CENPC: variants seen among roughly 807,000 people sequenced by gnomAD.
CENPC encodes CENP-C 1.
Under a neutral mutation model 112.1 loss-of-function variants are expected in CENPC, and 63 were observed. The ratio of observed to expected loss-of-function variants is 0.56; its 90% CI spans 0.46 to 0.69. CENPC has a LOEUF of 0.69. Among genes scored for constraint, CENPC ranks in the 30% least tolerant of loss-of-function variants. The pLI, the probability that CENPC is intolerant of heterozygous loss-of-function variation, is 0.00. For missense variants in CENPC, 1,000 were observed against 1,103.8 expected, an observed-to-expected ratio of 0.91 and a Z score of 1.33; for synonymous variants, 333 against 367.6, an observed-to-expected ratio of 0.91 and a Z score of 1.08.
chr4:67,491,369 TCTC>T (rs1725253283), intron 16 of CENPC, among the ~76,000 whole-genome samples: 1 of 148,552 alleles, frequency 6.7e-6, no homozygotes, highest in Non-Finnish European at 1.5e-5. Context: ...TTGACCTACT[TCTC>T]CTCTGATATA....
intron 7 of CENPC, among the ~76,000 whole-genome samples, chr4:67,516,815 A>C (rs1407939440): frequency 6.6e-6 from 1 of 151,996 alleles, no homozygotes; most frequent in Non-Finnish European, 1.5e-5. Context: ...ATCTTGGAGG[A>C]TTTCTAAGAT....
At chr4:67,520,524 G>A (rs1726193761) in intron 5 of CENPC, among the ~76,000 whole-genome samples, 1 of 152,018 alleles carries the variant, frequency 6.6e-6, no homozygotes, top group South Asian at 2.1e-4. Flanking sequence ...ATGATATAAG[G>A]AAACCCAGGA....
chr4:67,537,076 A>G (rs1027975138), intron 4 of CENPC, among the ~76,000 whole-genome samples: 12 of 151,878 alleles, frequency 7.9e-5, no homozygotes, highest in African/African-American at 2.2e-4. Context: ...TGTCAGGAAT[A>G]AAAAAGGGGA....
At chr4:67,490,147 A>G (rs1468967203) in intron 16 of CENPC, 26 bp from the exon 17 acceptor site, 4 of 1,507,892 alleles carry the variant, frequency 2.7e-6, no homozygotes, top group Non-Finnish European at 3.6e-6. Context: ...TAATACAAAT[A>G]TAAAACAACA....
chr4:67,494,017 T>C (rs1200704264), intron 13 of CENPC, 29 bp from the exon 14 acceptor site: 1 of 1,470,048 alleles, frequency 6.8e-7, no homozygotes, highest in African/African-American at 1.4e-5. Flanking sequence ...CAAAAGTGTA[T>C]ACATAGTTTT....
intron 17 of CENPC, among the ~76,000 whole-genome samples, chr4:67,489,358 A>G (rs1255301349): frequency 6.6e-6 from 1 of 151,902 alleles, no homozygotes; most frequent in Non-Finnish European, 1.5e-5. Flanking sequence ...AACTTCAGCC[A>G]GTAATATTGT....
chr4:67,483,326 C>G (rs1362074235), intron 17 of CENPC, among the ~76,000 whole-genome samples: 2 of 150,762 alleles, frequency 1.3e-5, no homozygotes, highest in Non-Finnish European at 2.9e-5. Flanking sequence ...CCACTCCAGC[C>G]TGGGGACAGT....
At chr4:67,496,882 ACCCCAC>A (rs549444510) in intron 12 of CENPC, among the ~76,000 whole-genome samples, 230 of 43,776 alleles carry the variant, frequency 5.3e-3, no homozygotes, top group African/African-American at 0.019. Flanking sequence ...TGTACCCCCC[ACCCCAC>A]CCCCACCCCC....
At position 67,506,905 on chromosome 4, in the gene CENPC, T is replaced by C. The variant is rs1268413139; in HGVS notation, c.1934A>G (p.Asn645Ser). 1 of 1,609,956 alleles carries C rather than the reference T, an allele frequency of 6.2e-7. No homozygotes were observed. Residue 645 changes from asparagine (N) to serine (S), a missense_variant, in exon 11 of 19, where the codon AAC becomes AGC. By Grantham distance (46) the Asn-to-Ser change is conservative. Transcript: ENST00000273853. The part of the protein sequence containing the change: ...RSTRSSKNED[N>S]IMTAQNVPLK... ...GGGAACATTCTGTGCAGTCATAATG[T>C]TATCTTCATTCTTTGAGCTTCTTGT... is the stretch of plus-strand genomic sequence containing the variant.
chr4:67,486,975 T>TTG (rs1264692485), intron 17 of CENPC, among the ~76,000 whole-genome samples: 6 of 150,616 alleles, frequency 4.0e-5, no homozygotes, highest in Admixed American at 2.6e-4. Context: ...TAGGTTTTTT[T>TTG]TTTTTTTTTT....
chr4:67,541,179 A>C lies in CENPC; in HGVS notation c.66-129T>G, dbSNP rs1186997583. On this transcript the variant is annotated intron_variant, in intron 2 of 18. Coordinates refer to ENST00000273853, the MANE Select transcript of CENPC (RefSeq NM_001812.4). The stretch of plus-strand genomic sequence containing the variant: ...TATGTAAAATATCTTTACTATTTGA[A>C]GACAAAACAAGTACTTGAGGGTCTA... The C allele has an allele frequency of 4.9e-6, 3 of 614,520 alleles. No homozygotes were observed. The African/African-American group carries it at 5.6e-5, about 12-fold the overall frequency. 38.1% of individuals were successfully genotyped at this position (614,520 alleles called of 1,614,324 possible). A position where few individuals can be genotyped will look rare whatever the true frequency, so the allele number is the denominator to read the frequency against.
intron 17 of CENPC, among the ~76,000 whole-genome samples, chr4:67,486,634 G>T (rs537709560): frequency 1.3e-5 from 2 of 152,154 alleles, no homozygotes; most frequent in African/African-American, 4.8e-5. Flanking sequence ...TGGTGCTACT[G>T]GAATCTAATG....
chr4:67,491,917 G>A (rs769106052), intron 16 of CENPC, among the ~76,000 whole-genome samples: 7 of 152,296 alleles, frequency 4.6e-5, no homozygotes, highest in Non-Finnish European at 1.0e-4. Flanking sequence ...ACCCTGTTGG[G>A]GGAGACGACA....
At chr4:67,533,223 C>CTCACAAGATCTCATGGGTT (rs2109828275) in intron 4 of CENPC, among the ~76,000 whole-genome samples, 1 of 152,296 alleles carries the variant, frequency 6.6e-6, no homozygotes, top group South Asian at 2.1e-4. Context: ...GTGAATAAGT[C>CTCACAAGATCTCATGGGTT]TCACAAGATC....
chr4:67,491,295 T>C (rs1577977379), intron 16 of CENPC, among the ~76,000 whole-genome samples: 2 of 150,550 alleles, frequency 1.3e-5, no homozygotes, highest in South Asian at 4.2e-4. Flanking sequence ...TGTCCCAGCC[T>C]CCCAAGCAGC....
chr4:67,499,882 C>T (rs905763953), intron 12 of CENPC, among the ~76,000 whole-genome samples: 3 of 151,990 alleles, frequency 2.0e-5, no homozygotes, highest in Admixed American at 1.3e-4. Flanking sequence ...TAGAAGCCAT[C>T]GTAGGGTTAT....
chr4:67,491,335 A>G (rs1160627989), intron 16 of CENPC, among the ~76,000 whole-genome samples: 1 of 150,326 alleles, frequency 6.7e-6, no homozygotes, highest in Non-Finnish European at 1.5e-5. Flanking sequence ...CACCACGCCC[A>G]GCTACCATTA....
At chr4:67,498,490 C>T (rs1725501516) in intron 12 of CENPC, among the ~76,000 whole-genome samples, 1 of 152,166 alleles carries the variant, frequency 6.6e-6, no homozygotes, top group Non-Finnish European at 1.5e-5. Flanking sequence ...CAAACTCTGT[C>T]GCTGCTTTAC....
At chr4:67,537,271 A>G (rs138680470) in intron 4 of CENPC, among the ~76,000 whole-genome samples, 1 of 152,344 alleles carries the variant, frequency 6.6e-6, no homozygotes, top group East Asian at 1.9e-4. Context: ...CTAAATCTTT[A>G]ATGTTCTATA....
Sources: allele counts gnomAD v4.1 joint callset (sites outside exome capture counted in the v4.1 genomes callset), GRCh38; gene constraint gnomAD v4.1.1; transcripts MANE v1.5; gene names NCBI Gene and HGNC (gene_info 2026-07-23, HGNC 2026-07-21).